The following TAAR1 variants were observed in gnomAD, a reference collection of about 807,000 sequenced individuals.
TAAR1 encodes the protein trace amine-associated receptor 1.
Under a neutral mutation model 1.2 loss-of-function variants are expected in TAAR1, and 1 was observed. The ratio of observed to expected loss-of-function variants is 0.81; its 90% CI spans 0.29 to 3.86. The LOEUF is 3.86. TAAR1 is among the 30% of genes most tolerant of loss of function. The pLI, the probability that TAAR1 is intolerant of heterozygous loss-of-function variation, is 0.18. For missense variants in TAAR1, 445 were observed against 405.6 expected, an observed-to-expected ratio of 1.10 and a Z score of -0.83; for synonymous variants, 153 against 132.2, an observed-to-expected ratio of 1.16 and a Z score of -1.08.
chr6:132,645,394 A>T lies in TAAR1; in HGVS notation c.610T>A (p.Ser204Thr). The part of the protein sequence containing the change: ...TFMTSFYIPG[S>T]IMLCVYYRIY... ...CTGTAATAGACACATAACATAATAG[A>T]TCCAGGTATATAAAAAGAAGTCATA... Residue 204 changes from serine to threonine, a missense_variant, in exon 2 of 2, where the codon TCT (serine) becomes ACT (threonine). By Grantham distance (58) the Ser-to-Thr change is moderately conservative (BLOSUM62 1). Transcript: ENST00000275216. 1 of 1,613,666 alleles carries T rather than the reference A, an allele frequency of 6.2e-7. No homozygotes were observed. Among genetic ancestry groups the T allele is most frequent in the Non-Finnish European group, 8.5e-7 (1 of 1,179,790 alleles).
chr6:132,646,773 C>A (rs1777676939), intron 1 of TAAR1, among the ~76,000 whole-genome samples: 1 of 152,092 alleles, frequency 6.6e-6, no homozygotes, highest in Non-Finnish European at 1.5e-5. Flanking sequence ...GCTTCATTAA[C>A]CTCATTTTAC....
chr6:132,658,629 T>C (rs940298984), intron 1 of TAAR1, among the ~76,000 whole-genome samples: 2 of 152,050 alleles, frequency 1.3e-5, no homozygotes, highest in African/African-American at 4.8e-5. Flanking sequence ...ATAATATCTG[T>C]GCAAATAAGA....
In TAAR1 at chr6:132,645,514, T is replaced by A. The variant is rs868383265; in HGVS notation, c.490A>T (p.Asn164Tyr). 6.2e-7 allele frequency: 1 copy of A among 1,613,744 alleles called. No individual in the cohort carries two copies. Among genetic ancestry groups the A allele is most frequent in the Non-Finnish European group, 8.5e-7 (1 of 1,179,830 alleles). Residue 164 changes from asparagine to tyrosine, a missense_variant, in exon 2 of 2, where the codon AAC becomes TAC. Asn to Tyr is a moderately radical substitution (Grantham distance 143). Coordinates refer to ENST00000275216, the MANE Select transcript of TAAR1 (RefSeq NM_138327.4). ...FAFGMIFLEL[N>Y]FKGAEEIYYK... ...TATATCTCTTCAGCGCCTTTGAAGT[T>A]TAGCTCCAGAAAGATCATTCCAAAT...
chr6:132,646,130 C>G lies in TAAR1; in HGVS notation c.-126-1G>C, dbSNP rs1309106569. On this transcript the variant is annotated splice_acceptor_variant, in intron 1 of 1. Coordinates refer to ENST00000275216, the MANE Select transcript of TAAR1 (RefSeq NM_138327.4). LOFTEE classifies it low-confidence loss of function (5UTR_SPLICE). ...ATTTGCACATACTTATCCCAGAAAC[C>G]TAGGAGGAAAAATAAAAGAGTAAAT... 1.1e-5 allele frequency: 12 copies of G among 1,086,722 alleles called. No homozygotes were observed. The Admixed American group carries it at 1.5e-4, about 14-fold the overall frequency. 67.3% of individuals were successfully genotyped at this position (1,086,722 alleles called of 1,614,324 possible). A position where few individuals can be genotyped will look rare whatever the true frequency, so the allele number is the denominator to read the frequency against.
In TAAR1 at chr6:132,645,730, CAA is replaced by C; in HGVS notation, c.272_273del (p.Phe91TrpfsTer6). On this transcript the variant is annotated frameshift_variant, in exon 2 of 2. Transcript: ENST00000275216. LOFTEE classifies it low-confidence loss of function (END_TRUNC). ...GTGTGAATTTTACAGAAGACTTCTC[CAA>C]AATACCAACAGTGCTCAGCAGATCT... The part of the protein sequence containing the change: ...MVRSAEHCWY[F>X]GEVFCKIHTS... 1 of 1,613,650 alleles carries C rather than the reference CAA, an allele frequency of 6.2e-7. No homozygotes were observed. The highest frequency in any genetic ancestry group is 8.5e-7 in the Non-Finnish European group (1 of 1,179,804).
intron 1 of TAAR1, among the ~76,000 whole-genome samples, chr6:132,650,162 TGTGCTTCCTTTCCAACAATTTTTCACTA>T (rs993824791): frequency 3.9e-5 from 6 of 152,180 alleles, no homozygotes; most frequent in African/African-American, 1.4e-4. Flanking sequence ...TCCCAGCCCA[TGTGCTTCCTTTCCAACAATTTTTCACTA>T]GTGCTTCCTT....
At chr6:132,647,205 G>A (rs769503715) in intron 1 of TAAR1, among the ~76,000 whole-genome samples, 1 of 151,918 alleles carries the variant, frequency 6.6e-6, no homozygotes, top group Non-Finnish European at 1.5e-5. Flanking sequence ...AAATTATTAT[G>A]AGTAGGCATC....
rs370834589 is a variant in TAAR1, at chr6:132,644,877, G to A, written c.*107C>T. The A allele has an allele frequency of 6.3e-5, 57 of 901,104 alleles. 1 individual carries two copies. The East Asian group carries it at 6.9e-4, about 11-fold the overall frequency. 55.8% of individuals were successfully genotyped at this position (901,104 alleles called of 1,614,324 possible). A position where few individuals can be genotyped will look rare whatever the true frequency, so the allele number is the denominator to read the frequency against. The stretch of plus-strand genomic sequence containing the variant: ...ACTCACCATACATACTTTGACTCAA[G>A]TAACTGATTTAAAAAAAAATCCATG... On this transcript the variant is annotated 3_prime_UTR_variant, in exon 2 of 2. Coordinates refer to ENST00000275216, the MANE Select transcript of TAAR1 (RefSeq NM_138327.4).
At chr6:132,652,553 C>T (rs1434544055) in intron 1 of TAAR1, among the ~76,000 whole-genome samples, 1 of 150,192 alleles carries the variant, frequency 6.7e-6, no homozygotes, top group Non-Finnish European at 1.5e-5. Flanking sequence ...GATCCGCCTG[C>T]CTCGGCCTCC....
Position 132,647,623 on chromosome 6 carries a change from G to GA in TAAR1, c.-126-1495_-126-1494insT, listed in dbSNP as rs201011015. Among the ~76,000 whole-genome samples, 454 of 103,118 alleles carry GA rather than the reference G, an allele frequency of 4.4e-3. 10 individuals carry two copies. Among genetic ancestry groups the GA allele is most frequent in the East Asian group, 0.026 (96 of 3,760 alleles). The allele number at this position is 103,118 out of a possible 152,430, so 67.6% of individuals were successfully genotyped here. A position where few individuals can be genotyped will look rare whatever the true frequency, so the allele number is the denominator to read the frequency against. On this transcript the variant is annotated intron_variant, in intron 1 of 1. Coordinates refer to ENST00000275216, the MANE Select transcript of TAAR1 (RefSeq NM_138327.4). ...GAAAGAAAAAAGAAAGAAAGAAAAA[G>GA]GAAAGAAAGAAAGAAAGAAAGAAAG... is the stretch of plus-strand genomic sequence containing the variant.
At chr6:132,656,668 A>C (rs762598454) in intron 1 of TAAR1, among the ~76,000 whole-genome samples, 4 of 152,216 alleles carry the variant, frequency 2.6e-5, no homozygotes, top group Non-Finnish European at 4.4e-5. Flanking sequence ...CTGAATTCTG[A>C]GTATCAAGGA....
intron 1 of TAAR1, among the ~76,000 whole-genome samples, chr6:132,647,624 G>GAA (rs1562202995): frequency 1.5e-4 from 4 of 26,970 alleles, no homozygotes; most frequent in Non-Finnish European, 3.0e-4. Context: ...AAAGAAAAAG[G>GAA]AAAGAAAGAA....
chr6:132,647,634 AAG>A (rs1491568774), intron 1 of TAAR1, among the ~76,000 whole-genome samples: 1 of 109,622 alleles, frequency 9.1e-6, no homozygotes, highest in East Asian at 2.1e-4. Flanking sequence ...GAAAGAAAGA[AAG>A]AAAGAAAGAA....
rs1045495758 is a variant in TAAR1 at position 132,644,873 on chromosome 6, T to C, written c.*111A>G. 3.5e-6 allele frequency: 3 copies of C among 860,328 alleles called. No homozygotes were observed. In the Admixed American group the frequency reaches 1.0e-4, roughly 29 times the overall value. The allele number at this position is 860,328 out of a possible 1,614,324, so 53.3% of individuals were successfully genotyped here. On this transcript the variant is annotated 3_prime_UTR_variant, in exon 2 of 2. Transcript: ENST00000275216. ...TTTAACTCACCATACATACTTTGAC[T>C]CAAGTAACTGATTTAAAAAAAAATC...
In TAAR1 at chr6:132,644,338, G is replaced by C. The variant is rs1233813459; in HGVS notation, c.*646C>G. ...TTTTAGATGATATAATCCTTACCAG[G>C]AAGTATACTATGAATAACATTTTTT... On this transcript the variant is annotated 3_prime_UTR_variant, in exon 2 of 2. Coordinates refer to ENST00000275216, the MANE Select transcript of TAAR1 (RefSeq NM_138327.4). 6.6e-6 allele frequency among the ~76,000 whole-genome samples: 1 copy of C among 151,502 alleles called. No homozygotes were observed. Among genetic ancestry groups the C allele is most frequent in the African/African-American group, 2.4e-5 (1 of 41,312 alleles).
At chr6:132,647,301 A>G (rs992598498) in intron 1 of TAAR1, among the ~76,000 whole-genome samples, 2 of 151,642 alleles carry the variant, frequency 1.3e-5, no homozygotes, top group African/African-American at 4.9e-5. Context: ...TTTTGTTTCT[A>G]TATGACCCTG....
chr6:132,657,325 T>C (rs73775176), intron 1 of TAAR1, among the ~76,000 whole-genome samples: 1,553 of 152,126 alleles, frequency 0.01, 16 homozygotes, highest in African/African-American at 0.036. Flanking sequence ...GTGCAATTGT[T>C]TTTGTAATAG....
intron 1 of TAAR1, among the ~76,000 whole-genome samples, chr6:132,658,120 C>T (rs1777827089): frequency 6.6e-6 from 1 of 152,004 alleles, no homozygotes; most frequent in Non-Finnish European, 1.5e-5. Context: ...AATAATTTTA[C>T]TCCAAAACTA....
At chr6:132,651,258 A>G (rs1156314494) in intron 1 of TAAR1, among the ~76,000 whole-genome samples, 1 of 151,978 alleles carries the variant, frequency 6.6e-6, no homozygotes, top group Non-Finnish European at 1.5e-5. Context: ...TCCCTTTCCT[A>G]TTCATAACCA....
Sources: allele counts gnomAD v4.1 joint callset (sites outside exome capture counted in the v4.1 genomes callset), GRCh38; gene constraint gnomAD v4.1.1; transcripts MANE v1.5; gene names NCBI Gene and HGNC (gene_info 2026-07-23, HGNC 2026-07-21).